Variants in IL17D observed in about 807,000 individuals in gnomAD.
IL17D encodes interleukin 17D.
In IL17D, 10 loss-of-function variants were observed where a neutral mutation model predicts 5.7. The ratio of observed to expected loss-of-function variants is 1.75; its 90% CI spans 1.08 to 2.97. The LOEUF is 2.97. Ranked by LOEUF, IL17D falls within the 30% of genes most tolerant of loss-of-function variation. The probability of loss-of-function intolerance (pLI) is 0.00; values close to 1 mark genes in which losing one functional copy is unlikely to be tolerated. For synonymous variants in IL17D, 172 were observed against 141.7 expected, an observed-to-expected ratio of 1.21 and a Z score of -1.52; for missense variants, 354 against 292.7, an observed-to-expected ratio of 1.21 and a Z score of -1.53.
rs572981281 is a variant in IL17D at position 20,716,432 on chromosome 13, A to C, written c.291-5204A>C. Among the ~76,000 whole-genome samples the C allele has an allele frequency of 6.6e-6, 1 of 152,348 alleles. No individual in the cohort carries two copies. Among genetic ancestry groups the C allele is most frequent in the South Asian group, 2.1e-4 (1 of 4,828 alleles). ...ATTAATTGGAATTTTCCAAGACCTT[A>C]GAGACTCAATGTATTGCCAGTGTCT... On this transcript the variant is annotated intron_variant, in intron 1 of 1. Transcript: ENST00000682841. The surrounding 1 kb of genome is among the most constrained non-coding windows in gnomAD (Gnocchi z 4.2).
chr13:20,712,615 AC>A (rs1201390730), intron 1 of IL17D: 1 of 149,774 alleles, frequency 6.7e-6, no homozygotes, highest in East Asian at 2.0e-4. Flanking sequence ...TTTATCCTCT[AC>A]CCCTTTAACA....
chr13:20,721,632 G>A lies in IL17D; in HGVS notation c.291-4G>A. On this transcript the variant is annotated splice_polypyrimidine_tract_variant and splice_region_variant and intron_variant, in intron 1 of 1. Transcript: ENST00000682841. ...GTGACCTCACCCGTGCTCTCTCCCT[G>A]CAGAATCTCCTACGACCCGGCGAGG... is the stretch of plus-strand genomic sequence containing the variant. 1 of 1,587,800 alleles carries A rather than the reference G, an allele frequency of 6.3e-7. No homozygotes were observed. Among genetic ancestry groups the A allele is most frequent in the Admixed American group, 1.7e-5 (1 of 58,812 alleles).
intron 1 of IL17D, among the ~76,000 whole-genome samples, chr13:20,715,813 G>T (rs2058674715): frequency 6.6e-6 from 1 of 151,964 alleles, no homozygotes; most frequent in Non-Finnish European, 1.5e-5. Context: ...GCGTGATCAT[G>T]GCTCACTGCA....
chr13:20,722,058 G>T lies in IL17D; in HGVS notation c.*104G>T, dbSNP rs1396785940. 7.3e-6 allele frequency: 7 copies of T among 961,074 alleles called. No homozygotes were observed. Among genetic ancestry groups the T allele is most frequent in the Non-Finnish European group, 1.0e-5 (7 of 673,736 alleles). The allele number at this position is 961,074 out of a possible 1,614,324, so 59.5% of individuals were successfully genotyped here. A position where few individuals can be genotyped will look rare whatever the true frequency, so the allele number is the denominator to read the frequency against. ...GCGACCTCTGAAGAGAGTGCACCGAGCAAACCAAGTGCCGGAGCACCAGCG... is the reference window on the plus strand; with the variant it reads ...GCGACCTCTGAAGAGAGTGCACCGATCAAACCAAGTGCCGGAGCACCAGCG... On this transcript the variant is annotated 3_prime_UTR_variant, in exon 2 of 2. Transcript: ENST00000682841.
rs2058676820 is a variant in IL17D, at chr13:20,716,051, A to G, written c.291-5585A>G. ...CGCCCGGCCAGAATCGACACTTTTA[A>G]CAGGAGTCCCATATAGGCCTCATGC... is the stretch of plus-strand genomic sequence containing the variant. On this transcript the variant is annotated intron_variant, in intron 1 of 1. Coordinates refer to ENST00000682841, the MANE Select transcript of IL17D (RefSeq NM_001385224.1). This position sits in a 1 kb window ranked among gnomAD's most constrained non-coding sequence, Gnocchi z 4.2. The G allele has an allele frequency of 1.0e-6, 1 of 983,492 alleles. No homozygotes were observed. The highest frequency in any genetic ancestry group is 1.7e-5 in the African/African-American group (1 of 57,320). The allele number at this position is 983,492 out of a possible 1,614,324, so 60.9% of individuals were successfully genotyped here. A position where few individuals can be genotyped will look rare whatever the true frequency, so the allele number is the denominator to read the frequency against.
chr13:20,722,108 GCAGCTT>G lies in IL17D; in HGVS notation c.*157_*162del. On this transcript the variant is annotated 3_prime_UTR_variant, in exon 2 of 2. Coordinates refer to ENST00000682841, the MANE Select transcript of IL17D (RefSeq NM_001385224.1). ...GCCGCCTTTCCATGGAGACTCGTAA[GCAGCTT>G]CATCTGACACGGGCATCCCTGGCTT... is the stretch of plus-strand genomic sequence containing the variant. 8.1e-6 allele frequency: 5 copies of G among 617,468 alleles called. No homozygotes were observed. Among genetic ancestry groups the G allele is most frequent in the Middle Eastern group, 8.8e-4 (2 of 2,280 alleles). 38.2% of individuals were successfully genotyped at this position (617,468 alleles called of 1,614,324 possible).
At chr13:20,720,300 G>A (rs2058721025) in intron 1 of IL17D, among the ~76,000 whole-genome samples, 1 of 152,146 alleles carries the variant, frequency 6.6e-6, no homozygotes, top group South Asian at 2.1e-4. Flanking sequence ...TCAGCCAAGA[G>A]CTCCCTCTGC....
intron 1 of IL17D, among the ~76,000 whole-genome samples, chr13:20,705,319 G>A (rs1340487290): frequency 6.6e-6 from 1 of 151,792 alleles, no homozygotes; most frequent in East Asian, 1.9e-4. Context: ...CGGGGGCGGT[G>A]GGGGTGGGGG....
chr13:20,705,055 G>A (rs1331369918), intron 1 of IL17D, among the ~76,000 whole-genome samples: 1 of 152,156 alleles, frequency 6.6e-6, no homozygotes, highest in Non-Finnish European at 1.5e-5. Context: ...GGCTGGAGAA[G>A]TTGGGGGCGT....
At position 20,718,667 on chromosome 13, in the gene IL17D, C is replaced by T. The variant is rs1289341125; in HGVS notation, c.291-2969C>T. On this transcript the variant is annotated intron_variant, in intron 1 of 1. Coordinates refer to ENST00000682841, the MANE Select transcript of IL17D (RefSeq NM_001385224.1). ...ACACACCTGCCCACTTACATGCCCA[C>T]GCTCACACACACCTGCCCACTTACA... 1.7e-4 allele frequency among the ~76,000 whole-genome samples: 18 copies of T among 108,044 alleles called. No individual in the cohort carries two copies. The South Asian group carries it at 2.1e-3, about 13-fold the overall frequency. 70.9% of individuals were successfully genotyped at this position (108,044 alleles called of 152,430 possible). A position where few individuals can be genotyped will look rare whatever the true frequency, so the allele number is the denominator to read the frequency against.
chr13:20,712,107 G>A (rs2058642668), intron 1 of IL17D, among the ~76,000 whole-genome samples: 1 of 152,212 alleles, frequency 6.6e-6, no homozygotes, highest in African/African-American at 2.4e-5. Context: ...GGGCTGGTGG[G>A]CAGGCCCCCT....
chr13:20,703,512 G>A (rs1447537669), upstream of IL17D: 4 of 848,908 alleles, frequency 4.7e-6, no homozygotes, highest in South Asian at 1.1e-4. Flanking sequence ...GGGCTGGCTG[G>A]GGCGGGCGGA....
intron 1 of IL17D, among the ~76,000 whole-genome samples, chr13:20,719,481 C>T (rs1366532629): frequency 6.6e-6 from 1 of 152,208 alleles, no homozygotes; most frequent in Non-Finnish European, 1.5e-5. Flanking sequence ...CACACCCACA[C>T]ACCTGCCATA....
At chr13:20,719,022 C>A (rs566109118) in intron 1 of IL17D, among the ~76,000 whole-genome samples, 2 of 145,452 alleles carry the variant, frequency 1.4e-5, no homozygotes, top group African/African-American at 2.6e-5. Context: ...TCACACATGC[C>A]CACACAGACA....
In IL17D at chr13:20,722,156, A is replaced by G; in HGVS notation, c.*202A>G. The G allele has an allele frequency of 1.9e-6, 1 of 536,628 alleles. No individual in the cohort carries two copies. Among genetic ancestry groups the G allele is most frequent in the Non-Finnish European group, 3.2e-6 (1 of 309,272 alleles). The allele number at this position is 536,628 out of a possible 1,614,324, so 33.2% of individuals were successfully genotyped here. ...CCCTGGCTTGCTTTTAGCTACAAGC[A>G]AGCAGCGTGGCTGGAAGCTGATGGG... On this transcript the variant is annotated 3_prime_UTR_variant, in exon 2 of 2. Transcript: ENST00000682841.
chr13:20,710,231 TAA>T (rs1051745283), intron 1 of IL17D, among the ~76,000 whole-genome samples: 1 of 152,180 alleles, frequency 6.6e-6, no homozygotes, highest in African/African-American at 2.4e-5. Context: ...AGCAAGTTTT[TAA>T]AAGTCAGATT....
At chr13:20,709,884 T>C (rs1159752549) in intron 1 of IL17D, among the ~76,000 whole-genome samples, 1 of 152,182 alleles carries the variant, frequency 6.6e-6, no homozygotes, top group East Asian at 1.9e-4. Context: ...CGTTTGCTCT[T>C]AAAGGCTCTG....
In IL17D at chr13:20,722,224, G is replaced by T; in HGVS notation, c.*270G>T. ...CATCCTGTGTGCGGCCCGCATGGAG[G>T]GTTTGGAAAAGTTCACGGAGGCTCC... On this transcript the variant is annotated 3_prime_UTR_variant, in exon 2 of 2. Coordinates refer to ENST00000682841, the MANE Select transcript of IL17D (RefSeq NM_001385224.1). 1 of 453,982 alleles carries T rather than the reference G, an allele frequency of 2.2e-6. No homozygotes were observed. Among genetic ancestry groups the T allele is most frequent in the Non-Finnish European group, 3.9e-6 (1 of 257,808 alleles). The allele number at this position is 453,982 out of a possible 1,614,324, so 28.1% of individuals were successfully genotyped here. A position where few individuals can be genotyped will look rare whatever the true frequency, so the allele number is the denominator to read the frequency against.
chr13:20,719,950 C>T (rs2058718039), intron 1 of IL17D, among the ~76,000 whole-genome samples: 1 of 152,228 alleles, frequency 6.6e-6, no homozygotes, highest in Non-Finnish European at 1.5e-5. Context: ...ACTCAAGGCG[C>T]TCGTGTAGGT....
Sources: allele counts gnomAD v4.1 joint callset (sites outside exome capture counted in the v4.1 genomes callset), GRCh38; gene constraint gnomAD v4.1.1; non-coding constraint Gnocchi (gnomAD v3.1); transcripts MANE v1.5; gene names NCBI Gene and HGNC (gene_info 2026-07-23, HGNC 2026-07-21).